Variants in BTBD9 observed in about 807,000 individuals in gnomAD.
BTBD9 encodes BTB domain containing 9, also known as BTB/POZ domain-containing protein 9.
BTBD9 carries 49 observed loss-of-function variants against 64.3 expected under a neutral mutation model. That is an observed-to-expected ratio of 0.76 (90% CI 0.61 to 0.97). BTBD9 has a LOEUF of 0.97. Among genes scored for constraint, BTBD9 ranks in the 50% least tolerant of loss-of-function variants. The pLI is 0.00. For synonymous variants in BTBD9, 260 were observed against 274.7 expected (o/e 0.95, Z 0.53); for missense variants, 598 against 762.1 (o/e 0.78, Z 2.53).
chr6:38,625,008 T>C (rs1263258162), intron 1 of BTBD9, among the ~76,000 whole-genome samples: 1 of 152,226 alleles, frequency 6.6e-6, no homozygotes, highest in African/African-American at 2.4e-5. Context: ...GACTTAGGTT[T>C]GAAAGCTTCA....
At chr6:38,588,553 T>C (rs1776650728) in intron 4 of BTBD9, 1 of 642,232 alleles carries the variant, frequency 1.6e-6, no homozygotes, top group South Asian at 3.0e-5. Flanking sequence ...CACCAATTAA[T>C]GTAGCTGCTA....
chr6:38,527,729 C>T (rs1773572884), intron 6 of BTBD9, among the ~76,000 whole-genome samples: 1 of 151,722 alleles, frequency 6.6e-6, no homozygotes, highest in Non-Finnish European at 1.5e-5. Flanking sequence ...TGTAGTTAAA[C>T]CACATCAATA....
intron 1 of BTBD9, among the ~76,000 whole-genome samples, chr6:38,627,863 G>C (rs537363873): frequency 1.1e-4 from 16 of 152,192 alleles, no homozygotes; most frequent in Admixed American, 9.2e-4. Flanking sequence ...GGCTTGACAG[G>C]AGTGAGACTC....
intron 7 of BTBD9, among the ~76,000 whole-genome samples, chr6:38,291,285 GCT>G (rs971969544): frequency 6.6e-6 from 1 of 152,042 alleles, no homozygotes; most frequent in African/African-American, 2.4e-5. Context: ...TCATGATTTG[GCT>G]CTCTGTTTAT....
At chr6:38,319,388 T>C (rs1324399883) in intron 7 of BTBD9, among the ~76,000 whole-genome samples, 2 of 152,124 alleles carry the variant, frequency 1.3e-5, no homozygotes, top group African/African-American at 4.8e-5. Context: ...GCTGCGAATA[T>C]GCTGGGCCAC....
At chr6:38,583,132 A>T (rs1338118271) in intron 4 of BTBD9, among the ~76,000 whole-genome samples, 1 of 152,222 alleles carries the variant, frequency 6.6e-6, no homozygotes, top group Non-Finnish European at 1.5e-5. Context: ...CTAGGCATAA[A>T]AAGTGGAGGT....
chr6:38,552,502 G>C (rs768744430), intron 6 of BTBD9, among the ~76,000 whole-genome samples: 2 of 152,064 alleles, frequency 1.3e-5, no homozygotes, highest in Non-Finnish European at 2.9e-5. Flanking sequence ...AAAATGGGCC[G>C]GGCACAGTGG....
intron 6 of BTBD9, among the ~76,000 whole-genome samples, chr6:38,367,450 C>T (rs1765225631): frequency 1.3e-5 from 2 of 152,138 alleles, no homozygotes; most frequent in Non-Finnish European, 2.9e-5. Flanking sequence ...GCTGTTTCAA[C>T]TTTTAGGGGA....
chr6:38,330,701 G>A (rs1208508541), intron 7 of BTBD9, among the ~76,000 whole-genome samples: 2 of 152,176 alleles, frequency 1.3e-5, no homozygotes, highest in Non-Finnish European at 1.5e-5. Flanking sequence ...AATAGATGAC[G>A]AAGATGCTGT....
rs1232530575 is a variant in BTBD9, at chr6:38,184,070, T to G, written c.1641+8449A>C. The stretch of plus-strand genomic sequence containing the variant: ...TTCTTTGGTGTCTGGCTTCTGTCCT[T>G]CAACACGCCGTTATGTTCATCCACC... On this transcript the variant is annotated intron_variant, in intron 10 of 10. Coordinates refer to ENST00000481247, the MANE Select transcript of BTBD9 (RefSeq NM_001099272.2). This position sits in a 1 kb window ranked among gnomAD's most constrained non-coding sequence, Gnocchi z 4.4. 6.6e-6 allele frequency among the ~76,000 whole-genome samples: 1 copy of G among 152,200 alleles called. No homozygotes were observed. The highest frequency in any genetic ancestry group is 1.5e-5 in the Non-Finnish European group (1 of 68,042).
chr6:38,348,608 G>A (rs924281393), intron 6 of BTBD9, among the ~76,000 whole-genome samples: 5 of 152,164 alleles, frequency 3.3e-5, no homozygotes, highest in Non-Finnish European at 7.4e-5. Context: ...GTAACAGTCT[G>A]TTTCCAATAT....
intron 6 of BTBD9, among the ~76,000 whole-genome samples, chr6:38,536,988 C>T (rs1774049131): frequency 6.6e-6 from 1 of 151,786 alleles, no homozygotes; most frequent in Admixed American, 6.6e-5. Context: ...TTGTTTGTAA[C>T]ACAGAAAAAA....
At chr6:38,209,378 G>T (rs969159983) in intron 9 of BTBD9, among the ~76,000 whole-genome samples, 1 of 152,240 alleles carries the variant, frequency 6.6e-6, no homozygotes, top group Non-Finnish European at 1.5e-5. Context: ...ATTAAGAAAA[G>T]TAAATCCTTA....
intron 6 of BTBD9, among the ~76,000 whole-genome samples, chr6:38,351,263 T>A (rs182762027): frequency 6.6e-6 from 1 of 152,314 alleles, no homozygotes; most frequent in African/African-American, 2.4e-5. Flanking sequence ...CACACAGGGC[T>A]AAGCAGAGGC....
At chr6:38,450,906 A>G (rs1175772382) in intron 6 of BTBD9, among the ~76,000 whole-genome samples, 2 of 152,144 alleles carry the variant, frequency 1.3e-5, no homozygotes, top group East Asian at 1.9e-4. Flanking sequence ...AGCTTCATCT[A>G]TCACTTATCC....
chr6:38,307,308 A>C (rs1057309209), intron 7 of BTBD9, among the ~76,000 whole-genome samples: 1 of 152,252 alleles, frequency 6.6e-6, no homozygotes, highest in Non-Finnish European at 1.5e-5. Context: ...AAAGCTGTAA[A>C]AATGTATTCT....
chr6:38,343,759 C>T (rs1383870391), intron 7 of BTBD9, among the ~76,000 whole-genome samples: 1 of 152,158 alleles, frequency 6.6e-6, no homozygotes, highest in Non-Finnish European at 1.5e-5. Flanking sequence ...GCAGCTATTT[C>T]AGTTGAGCTC....
chr6:38,214,010 A>AAATAATAAT (rs3047750), intron 9 of BTBD9, among the ~76,000 whole-genome samples: 13,517 of 147,480 alleles, frequency 0.092, 657 homozygotes, highest in Middle Eastern at 0.11. Context: ...AAACAAACAA[A>AAATAATAAT]AATAATAATA....
rs747508263 is a variant in BTBD9, at chr6:38,594,262, G to A, written c.251C>T (p.Thr84Ile). ...GAGTAGCATTGTGAATGCTTCTGCA[G>A]TGGTGTCTTGGAGAGGAATTTCTGC... ...PEAEIPLQDT[T>I]AEAFTMLLKY... is the part of the protein sequence containing the mutation. Residue 84 changes from threonine (T) to isoleucine (I), a missense_variant, in exon 3 of 11, where the codon ACT (threonine) becomes ATT (isoleucine). By Grantham distance (89) the Thr-to-Ile change is moderately conservative (BLOSUM62 -1). Coordinates refer to ENST00000481247, the MANE Select transcript of BTBD9 (RefSeq NM_001099272.2). 17 of 1,614,052 alleles carry A rather than the reference G, an allele frequency of 1.1e-5. No individual in the cohort carries two copies. The highest frequency in any genetic ancestry group is 1.4e-5 in the Non-Finnish European group (17 of 1,180,016).
Sources: allele counts gnomAD v4.1 joint callset (sites outside exome capture counted in the v4.1 genomes callset), GRCh38; gene constraint gnomAD v4.1.1; non-coding constraint Gnocchi (gnomAD v3.1); transcripts MANE v1.5; gene names NCBI Gene and HGNC (gene_info 2026-07-23, HGNC 2026-07-21).